Variants in CEP63 observed in about 807,000 individuals in gnomAD.
CEP63 encodes the protein centrosomal protein of 63 kDa.
A neutral mutation model predicts 89.1 loss-of-function variants in CEP63; 84 were observed. The observed-to-expected ratio is 0.94, with a 90% confidence interval of 0.79 to 1.13. The LOEUF is 1.13. Among genes scored for constraint, CEP63 ranks in the 50% most tolerant of loss-of-function variants. The probability of loss-of-function intolerance (pLI) is 0.00; values close to 1 mark genes in which losing one functional copy is unlikely to be tolerated. For missense variants in CEP63, 838 were observed against 813.3 expected, an observed-to-expected ratio of 1.03 and a Z score of -0.37; for synonymous variants, 267 against 272.5, an observed-to-expected ratio of 0.98 and a Z score of 0.20.
the CEP63 span, among the ~76,000 whole-genome samples, chr3:134,719,771 A>G: frequency 6.6e-6 from 1 of 152,194 alleles, no homozygotes; most frequent in Non-Finnish European, 1.5e-5. Flanking sequence ...AATGCTTTCA[A>G]GATTCATCAT....
downstream of CEP63, among the ~76,000 whole-genome samples, chr3:134,576,268 A>G (rs1361489513): frequency 6.6e-6 from 1 of 152,214 alleles, no homozygotes; most frequent in African/African-American, 2.4e-5. Context: ...TAATGCTTAA[A>G]CATACATGGG....
At chr3:134,746,260 T>C in the CEP63 span, among the ~76,000 whole-genome samples, 1 of 152,164 alleles carries the variant, frequency 6.6e-6, no homozygotes, top group East Asian at 1.9e-4. Flanking sequence ...CATCCTTTTT[T>C]TTATGGCTGC....
the CEP63 span, among the ~76,000 whole-genome samples, chr3:134,752,871 C>T: frequency 6.6e-6 from 1 of 152,122 alleles, no homozygotes; most frequent in African/African-American, 2.4e-5. Context: ...TCCTCCTCCC[C>T]CTGCTTCAGC....
the CEP63 span, among the ~76,000 whole-genome samples, chr3:134,756,198 C>A: frequency 1.3e-5 from 2 of 152,198 alleles, no homozygotes; most frequent in Non-Finnish European, 2.9e-5. Context: ...TTGTAGCCTT[C>A]CTGAGTTCAG....
At chr3:134,591,452 C>T (rs1174952559), downstream of CEP63, among the ~76,000 whole-genome samples, 2 of 152,180 alleles carry the variant, frequency 1.3e-5, no homozygotes, top group Non-Finnish European at 2.9e-5. Flanking sequence ...GCAAGCTAGG[C>T]ATGGTGACAG....
At chr3:134,628,962 A>G in the CEP63 span, among the ~76,000 whole-genome samples, 1 of 152,208 alleles carries the variant, frequency 6.6e-6, no homozygotes, top group African/African-American at 2.4e-5. Flanking sequence ...AGAGGACTTG[A>G]GCCTCAGTTG....
the CEP63 span, among the ~76,000 whole-genome samples, chr3:134,691,989 C>G: frequency 6.6e-6 from 1 of 152,198 alleles, no homozygotes; most frequent in African/African-American, 2.4e-5. Flanking sequence ...GGATTACAGG[C>G]GTGAGCCACC....
chr3:134,782,343 C>T, the CEP63 span, among the ~76,000 whole-genome samples: 20,846 of 152,114 alleles, frequency 0.14, 1,520 homozygotes, highest in Middle Eastern at 0.18. Context: ...TTTTTAATTA[C>T]TGATTCAAAT....
the CEP63 span, chr3:134,610,455 G>T: frequency 4.4e-6 from 6 of 1,360,906 alleles, no homozygotes; most frequent in South Asian, 6.5e-5. Context: ...CATGGTCTCA[G>T]GTTTCAGGCA....
At chr3:134,573,300 G>T (rs562899831) in intron 11 of CEP63, among the ~76,000 whole-genome samples, 3 of 152,076 alleles carry the variant, frequency 2.0e-5, no homozygotes, top group Non-Finnish European at 4.4e-5. Flanking sequence ...GTTGCTTTTG[G>T]GGACTTAGTC....
At chr3:134,648,698 C>T in the CEP63 span, among the ~76,000 whole-genome samples, 4 of 152,256 alleles carry the variant, frequency 2.6e-5, no homozygotes, top group African/African-American at 7.2e-5. Flanking sequence ...GCCTTCTTGT[C>T]CCCCTGACTC....
chr3:134,565,332 A>G (rs1957707656), downstream of CEP63, among the ~76,000 whole-genome samples: 2 of 152,204 alleles, frequency 1.3e-5, no homozygotes, highest in Admixed American at 1.3e-4. Flanking sequence ...TGTTTCTGTG[A>G]CATCTGCTTA....
the CEP63 span, chr3:134,608,385 G>A: frequency 1.4e-6 from 2 of 1,423,194 alleles, no homozygotes; most frequent in Non-Finnish European, 1.9e-6. Flanking sequence ...GCAGCCTTCA[G>A]ACACATCCCT....
chr3:134,596,428 C>T, the CEP63 span, among the ~76,000 whole-genome samples: 1 of 152,324 alleles, frequency 6.6e-6, no homozygotes, highest in African/African-American at 2.4e-5. Flanking sequence ...GCATCCTCAG[C>T]CTCCTCCAGG....
At chr3:134,608,715 G>A in the CEP63 span, 3 of 1,613,938 alleles carry the variant, frequency 1.9e-6, no homozygotes, top group East Asian at 2.2e-5. Context: ...TCACTCTTGT[G>A]ATACATGTTG....
chr3:134,661,814 C>CG, the CEP63 span, among the ~76,000 whole-genome samples: 4 of 151,318 alleles, frequency 2.6e-5, no homozygotes, highest in African/African-American at 4.9e-5. Context: ...TGTGCCCCCC[C>CG]CCTCAAATTC....
the CEP63 span, among the ~76,000 whole-genome samples, chr3:134,722,665 G>C: frequency 6.6e-6 from 1 of 152,014 alleles, no homozygotes; most frequent in Admixed American, 6.6e-5. Flanking sequence ...AATAACATCT[G>C]CTTCAAAGTG....
At chr3:134,626,288 G>T in the CEP63 span, among the ~76,000 whole-genome samples, 1 of 152,338 alleles carries the variant, frequency 6.6e-6, no homozygotes, top group Middle Eastern at 3.4e-3. Context: ...TGGTAGGGAA[G>T]TCTGGGAAGA....
the CEP63 span, among the ~76,000 whole-genome samples, chr3:134,609,908 A>C: frequency 2.0e-5 from 3 of 152,182 alleles, no homozygotes; most frequent in African/African-American, 7.2e-5. Flanking sequence ...ACCTTTCCTC[A>C]TGTGTGGTCT....
Sources: allele counts gnomAD v4.1 joint callset (sites outside exome capture counted in the v4.1 genomes callset), GRCh38; gene constraint gnomAD v4.1.1; transcripts MANE v1.5; gene names NCBI Gene and HGNC (gene_info 2026-07-23, HGNC 2026-07-21).